CDHR5: variants seen among roughly 807,000 people sequenced by gnomAD.
The protein encoded by CDHR5 is cadherin related family member 5.
In CDHR5, 82 loss-of-function variants were observed where a neutral mutation model predicts 69.5. The ratio of observed to expected loss-of-function variants is 1.18; its 90% confidence interval spans 0.99 to 1.42. CDHR5 has a LOEUF of 1.42. Ranked by LOEUF, CDHR5 falls within the 40% of genes most tolerant of loss-of-function variation. The pLI is 0.00. For missense variants in CDHR5, 1,293 were observed against 1,168.9 expected, an observed-to-expected ratio of 1.11 and a Z score of -1.55; for synonymous variants, 601 against 510.2, an observed-to-expected ratio of 1.18 and a Z score of -2.40.
At chr11:619,918 G>A (rs1272116792) in intron 9 of CDHR5, 37 bp from the exon 10 acceptor site, 1 of 1,492,888 alleles carries the variant, frequency 6.7e-7, no homozygotes, top group Admixed American at 2.0e-5. Flanking sequence ...TAGTGGGGTT[G>A]AAGGTGGAGC....
In CDHR5 at chr11:617,982, C is replaced by T. The variant is rs538921373; in HGVS notation, c.2090G>A (p.Arg697Gln). 38 of 1,611,824 alleles carry T rather than the reference C, an allele frequency of 2.4e-5. No homozygotes were observed. The highest frequency in any genetic ancestry group is 9.3e-5 in the African/African-American group (7 of 74,904). ...AGCTTTGCCACAGCAGCACTTGAGC[C>T]GGGGGCCATAGTGCTTGTGGACAAG... ...AVLVHKHYGPRLKCCCGKAPE... is the reference protein window; with the variant it reads ...AVLVHKHYGPQLKCCCGKAPE... Residue 697 changes from arginine (R) to glutamine (Q), a missense_variant, in exon 14 of 15, where the codon CGG becomes CAG. Coordinates refer to ENST00000397542, the MANE Select transcript of CDHR5 (RefSeq NM_021924.5).
chr11:620,172 GA>G lies in CDHR5; in HGVS notation c.881-9del. Reference sequence around the variant, plus strand: ...ATGTACCATTCACGTTTCCTGGGAGGATGATGGAAGTGCTCAGCCCCGGCCC... The same window carrying G: ...ATGTACCATTCACGTTTCCTGGGAGGTGATGGAAGTGCTCAGCCCCGGCCC... On this transcript the variant is annotated splice_polypyrimidine_tract_variant and intron_variant, in intron 8 of 14. Transcript: ENST00000397542. 6.2e-7 allele frequency: 1 copy of G among 1,611,818 alleles called. No homozygotes were observed.
intron 13 of CDHR5, 106 bp from the exon 14 acceptor site, chr11:618,217 C>T (rs1857099305): frequency 1.0e-6 from 1 of 955,166 alleles, no homozygotes; most frequent in Non-Finnish European, 1.6e-6. Context: ...CCACCCAGGC[C>T]TGGGCTGTCT....
rs140606356 is a variant in CDHR5, at chr11:621,359, A to G, written c.604T>C (p.Trp202Arg). 28 of 1,613,206 alleles carry G rather than the reference A, an allele frequency of 1.7e-5. No homozygotes were observed. Among genetic ancestry groups the G allele is most frequent in the African/African-American group, 1.3e-5 (1 of 74,916 alleles). ...GACCTGCTCACCCGCACCAGCAGCC[A>G]GAAGGTCATGTTCGGCCGCTCGTAG... ...DFYERPNMTF[W>R]LLVRDTPGEN... Residue 202 changes from tryptophan to arginine, a missense_variant, in exon 6 of 15, where the codon TGG becomes CGG. Trp to Arg is a moderately radical substitution (Grantham distance 101). Coordinates refer to ENST00000397542, the MANE Select transcript of CDHR5 (RefSeq NM_021924.5). This position sits in a 1 kb window ranked among gnomAD's most constrained non-coding sequence, Gnocchi z 4.4.
chr11:619,769 G>A lies in CDHR5; in HGVS notation c.1091C>T (p.Ala364Val), dbSNP rs775122520. Residue 364 changes from alanine (A) to valine (V), a missense_variant, in exon 10 of 15, where the codon GCG becomes GTG. Coordinates refer to ENST00000397542, the MANE Select transcript of CDHR5 (RefSeq NM_021924.5). ...FPQRLYRGTV[A>V]RGAGAGVVVK... ...CACAACGCCCGCTCCAGCGCCACGC[G>A]CCACGGTGCCACGATACAGTCTCTG... The A allele has an allele frequency of 9.3e-6, 15 of 1,610,610 alleles. No individual in the cohort carries two copies. The highest frequency in any genetic ancestry group is 4.5e-5 in the East Asian group (2 of 44,874).
At position 619,820 on chromosome 11, in the gene CDHR5, G is replaced by T; in HGVS notation, c.1040C>A (p.Ala347Glu). 1.3e-6 allele frequency: 2 copies of T among 1,577,364 alleles called. No individual in the cohort carries two copies. The highest frequency in any genetic ancestry group is 2.3e-5 in the East Asian group (1 of 43,150). ...VTQVTVEAVA[A>E]AGSPPRFPQR... ...GGGGAAGCGGGGCGGGCTCCCGGCC[G>T]CAGCCACAGCCTCCACGGTGACCTG... Residue 347 changes from alanine to glutamate, a missense_variant, in exon 10 of 15, where the codon GCG (alanine) becomes GAG (glutamate). By Grantham distance (107) the Ala-to-Glu change is moderately radical. Coordinates refer to ENST00000397542, the MANE Select transcript of CDHR5 (RefSeq NM_021924.5).
chr11:623,619 A>G (rs1392251204), intron 3 of CDHR5, among the ~76,000 whole-genome samples: 3 of 150,132 alleles, frequency 2.0e-5, no homozygotes, highest in African/African-American at 4.9e-5. Flanking sequence ...GCCTCTGCAC[A>G]GTATGTCTGG....
intron 3 of CDHR5, among the ~76,000 whole-genome samples, chr11:622,391 G>A (rs574564890): frequency 6.6e-6 from 1 of 152,112 alleles, no homozygotes; most frequent in South Asian, 2.1e-4. Flanking sequence ...CAGAATCTCA[G>A]GTGAGGAAAG....
At chr11:622,440 G>A (rs1190665585) in intron 3 of CDHR5, among the ~76,000 whole-genome samples, 1 of 150,068 alleles carries the variant, frequency 6.7e-6, no homozygotes, top group Non-Finnish European at 1.5e-5. Context: ...TTTTTTTTTG[G>A]TTTTTGTTTT....
chr11:617,874 C>A, intron 14 of CDHR5, 80 bp downstream of exon 14: 1 of 1,528,418 alleles, frequency 6.5e-7, no homozygotes, highest in Admixed American at 2.0e-5. Flanking sequence ...CCACATCTGT[C>A]CCTCTGCCCT....
Position 621,206 on chromosome 11 carries a change from G to A in CDHR5, c.663C>T (p.Ala221=). The change falls in exon 7 of 15, where the codon GCC becomes GCT. Residue 221 remains alanine, a synonymous_variant. Transcript: ENST00000397542. The surrounding 1 kb of genome is among the most constrained non-coding windows in gnomAD (Gnocchi z 4.4). Reference sequence around the variant, plus strand: ...CGGGCACCACGTTCAGCACTAGTGTGGCGGTGGCAGTGTGGCTGGGTTCCA... The same window carrying A: ...CGGGCACCACGTTCAGCACTAGTGTAGCGGTGGCAGTGTGGCTGGGTTCCA... ...ENVEPSHTAT[A]TLVLNVVPAD... The A allele has an allele frequency of 6.2e-7, 1 of 1,601,044 alleles. No individual in the cohort carries two copies. The highest frequency in any genetic ancestry group is 8.5e-7 in the Non-Finnish European group (1 of 1,172,332).
At chr11:618,303 C>G (rs975690153) in intron 13 of CDHR5, among the ~76,000 whole-genome samples, 192 bp from the exon 14 acceptor site, 2 of 152,224 alleles carry the variant, frequency 1.3e-5, no homozygotes, top group Admixed American at 6.5e-5. Flanking sequence ...CCCCCTCCCC[C>G]CCGGGAGGCC....
At position 617,965 on chromosome 11, in the gene CDHR5, C is replaced by A. The variant is rs750051536; in HGVS notation, c.2107G>T (p.Gly703Cys). 1 of 1,611,638 alleles carries A rather than the reference C, an allele frequency of 6.2e-7. No homozygotes were observed. Among genetic ancestry groups the A allele is most frequent in the Non-Finnish European group, 8.5e-7 (1 of 1,179,582 alleles). The change falls in exon 14 of 15, where the codon GGC becomes TGC. Residue 703 changes from glycine to cysteine, a missense_variant. Gly to Cys is a radical substitution (Grantham distance 159). Coordinates refer to ENST00000397542, the MANE Select transcript of CDHR5 (RefSeq NM_021924.5). ...HYGPRLKCCC[G>C]KAPEPQPQGF... is the part of the protein sequence containing the mutation. ...ATCCTGGGCCTCACCGGAGCTTTGC[C>A]ACAGCAGCACTTGAGCCGGGGGCCA...
rs778910084 is a variant in CDHR5 at position 618,052 on chromosome 11, C to T, written c.2020G>A (p.Val674Met). The T allele has an allele frequency of 3.1e-6, 5 of 1,612,354 alleles. No homozygotes were observed. The Admixed American group carries it at 6.7e-5, about 22-fold the overall frequency. The part of the protein sequence containing the change: ...SVVDMAALGG[V>M]LGALLLLALL... Reference sequence around the variant, plus strand: ...GCCAGCAGCAGCAGCGCACCCAGCACCCCGCCCAGGGCCGCCATATCCACC... The same window carrying T: ...GCCAGCAGCAGCAGCGCACCCAGCATCCCGCCCAGGGCCGCCATATCCACC... The change falls in exon 14 of 15, where the codon GTG becomes ATG. Residue 674 changes from valine to methionine, a missense_variant. Physicochemically the swap from Val to Met is conservative, Grantham distance 21 (BLOSUM62 1). Coordinates refer to ENST00000397542, the MANE Select transcript of CDHR5 (RefSeq NM_021924.5).
At position 619,121 on chromosome 11, in the gene CDHR5, C is replaced by T. The variant is rs532470231; in HGVS notation, c.1438G>A (p.Glu480Lys). 27 of 1,595,440 alleles carry T rather than the reference C, an allele frequency of 1.7e-5. No homozygotes were observed. The East Asian group carries it at 2.5e-4, about 15-fold the overall frequency. ...GAGGGCTCAGGGGGTCTGGGGACCT[C>T]GGAAGTGGTGCTGGTCCAGGGCCCA... Reference protein sequence around the residue: ...TTGPWTSTTSEVPRPPEPSQG... With the variant: ...TTGPWTSTTSKVPRPPEPSQG... The change falls in exon 13 of 15, where the codon GAG (glutamate) becomes AAG (lysine). Residue 480 changes from glutamate to lysine, a missense_variant. Physicochemically the swap from Glu to Lys is moderately conservative, Grantham distance 56. Coordinates refer to ENST00000397542, the MANE Select transcript of CDHR5 (RefSeq NM_021924.5).
Position 616,973 on chromosome 11 carries a change from AGC to A in CDHR5, c.*376_*377del. 7.7e-6 allele frequency: 2 copies of A among 258,204 alleles called. No individual in the cohort carries two copies. Among genetic ancestry groups the A allele is most frequent in the South Asian group, 7.3e-5 (1 of 13,760 alleles). 16.0% of individuals were successfully genotyped at this position (258,204 alleles called of 1,614,324 possible). On this transcript the variant is annotated 3_prime_UTR_variant, in exon 15 of 15. Transcript: ENST00000397542. ...GGTCGGGAGCGGGAGGTCTGAGATG[AGC>A]CGGGTGCCTGAGATCTCCGGTGCAG...
At position 618,702 on chromosome 11, in the gene CDHR5, G is replaced by C; in HGVS notation, c.1857C>G (p.Thr619=). Residue 619 remains threonine (T), a synonymous_variant, in exon 13 of 15, where the codon ACC becomes ACG. Transcript: ENST00000397542. ...GTGTGGTTGGTTGGTGGGAGGTGCT[G>C]GTTCCCATACCGGGGGGCATCGGCT... ...TSQPMPPGMG[T]STSHQPTTPG... is the part of the protein sequence containing the mutation. 1 of 1,589,400 alleles carries C rather than the reference G, an allele frequency of 6.3e-7. No homozygotes were observed. The highest frequency in any genetic ancestry group is 8.6e-7 in the Non-Finnish European group (1 of 1,167,042).
chr11:620,005 C>T, intron 9 of CDHR5, 62 bp downstream of exon 9: 2 of 1,239,244 alleles, frequency 1.6e-6, no homozygotes, highest in Non-Finnish European at 2.2e-6. Context: ...CAGCCCTGAC[C>T]CCCCGCCCTA....
Position 619,177 on chromosome 11 carries a change from A to G in CDHR5, c.1382T>C (p.Val461Ala), listed in dbSNP as rs1391550619. The G allele has an allele frequency of 6.5e-7, 1 of 1,530,616 alleles. No individual in the cohort carries two copies. The highest frequency in any genetic ancestry group is 1.4e-5 in the African/African-American group (1 of 72,104). The allele number at this position is 1,530,616 out of a possible 1,614,324, so 94.8% of individuals were successfully genotyped here. ...TCCTCCAGCCTCTGGGGATGGGGGG[A>G]CATCTGGGGGCCGGGAACAGTGCTT... is the stretch of plus-strand genomic sequence containing the variant. The part of the protein sequence containing the change: ...VSEQEPPSTD[V>A]PPSPEAGGTT... The change falls in exon 13 of 15, where the codon GTC becomes GCC. Residue 461 changes from valine (V) to alanine (A), a missense_variant. Coordinates refer to ENST00000397542, the MANE Select transcript of CDHR5 (RefSeq NM_021924.5).
Sources: allele counts gnomAD v4.1 joint callset (sites outside exome capture counted in the v4.1 genomes callset), GRCh38; gene constraint gnomAD v4.1.1; non-coding constraint Gnocchi (gnomAD v3.1); transcripts MANE v1.5; gene names NCBI Gene and HGNC (gene_info 2026-07-23, HGNC 2026-07-21).